Variants in VWA8 observed in about 807,000 individuals in gnomAD.
The protein encoded by VWA8 is von Willebrand factor A domain containing 8.
Under a neutral mutation model 241.5 loss-of-function variants are expected in VWA8, and 221 were observed. The observed-to-expected ratio is 0.91, with a 90% CI of 0.82 to 1.02. VWA8 has a LOEUF of 1.02. Among genes scored for constraint, VWA8 ranks in the 50% least tolerant of loss-of-function variants. The pLI is 0.00. For missense variants in VWA8, 2,322 were observed against 2,328.7 expected (o/e 1.00, Z 0.06); for synonymous variants, 852 against 827.1 (o/e 1.03, Z -0.52).
intron 12 of VWA8, among the ~76,000 whole-genome samples, chr13:41,845,237 A>G (rs1213678969): frequency 6.6e-6 from 1 of 152,098 alleles, no homozygotes; most frequent in East Asian, 1.9e-4. Flanking sequence ...CAATCAAAAC[A>G]ATGAGATACC....
At chr13:41,728,617 T>A (rs944173580) in intron 23 of VWA8, among the ~76,000 whole-genome samples, 2 of 151,420 alleles carry the variant, frequency 1.3e-5, no homozygotes, top group African/African-American at 2.4e-5. Flanking sequence ...GTCTGAATGA[T>A]CTTTTTTTTT....
chr13:41,756,385 A>AAG (rs1476373103), intron 21 of VWA8, among the ~76,000 whole-genome samples: 17 of 151,796 alleles, frequency 1.1e-4, no homozygotes, highest in Non-Finnish European at 2.4e-4. Context: ...TGACTGAGGC[A>AAG]GTTCAGCCTA....
At chr13:41,770,948 T>G (rs2045818330) in intron 20 of VWA8, among the ~76,000 whole-genome samples, 1 of 150,934 alleles carries the variant, frequency 6.6e-6, no homozygotes, top group African/African-American at 2.4e-5. Flanking sequence ...GAAGTGATTT[T>G]ATTAGACAAT....
intron 8 of VWA8, among the ~76,000 whole-genome samples, chr13:41,884,579 GAA>G (rs11441652): frequency 6.9e-6 from 1 of 145,232 alleles, no homozygotes. Flanking sequence ...AATGGTTCAG[GAA>G]AAAAAAAAAG....
At chr13:41,640,921 TTTTG>T (rs1237841261) in intron 37 of VWA8, among the ~76,000 whole-genome samples, 2 of 152,136 alleles carry the variant, frequency 1.3e-5, no homozygotes, top group Non-Finnish European at 2.9e-5. Flanking sequence ...CAGACCATTG[TTTTG>T]TTTGATTTTA....
chr13:41,946,426 G>C (rs117537765), intron 2 of VWA8, among the ~76,000 whole-genome samples: 1,959 of 152,162 alleles, frequency 0.013, 22 homozygotes, highest in Middle Eastern at 0.048. Context: ...TCTTCTACCT[G>C]ATTTTAAAAA....
chr13:41,917,807 C>G (rs1029252318), intron 2 of VWA8, among the ~76,000 whole-genome samples: 1 of 152,222 alleles, frequency 6.6e-6, no homozygotes, highest in African/African-American at 2.4e-5. Context: ...AGAGTACTTT[C>G]ACTTGACATT....
intron 37 of VWA8, among the ~76,000 whole-genome samples, chr13:41,654,685 G>A (rs889675691): frequency 6.6e-6 from 1 of 152,174 alleles, no homozygotes; most frequent in African/African-American, 2.4e-5. Context: ...CTGGGGCACT[G>A]GGGACTCCTG....
At chr13:41,791,299 G>A (rs1869451110) in intron 17 of VWA8, among the ~76,000 whole-genome samples, 1 of 151,814 alleles carries the variant, frequency 6.6e-6, no homozygotes. Context: ...AAAGGGTCAT[G>A]GAGTGATTAC....
At chr13:41,889,752 C>G (rs1350893612) in intron 5 of VWA8, among the ~76,000 whole-genome samples, 1 of 152,048 alleles carries the variant, frequency 6.6e-6, no homozygotes, top group Non-Finnish European at 1.5e-5. Context: ...GCACAGAATT[C>G]TACTATAAAG....
At chr13:41,738,994 G>A (rs561301117) in intron 21 of VWA8, among the ~76,000 whole-genome samples, 2 of 152,276 alleles carry the variant, frequency 1.3e-5, no homozygotes, top group Non-Finnish European at 2.9e-5. Flanking sequence ...CAACACAAAA[G>A]TGTGATAAAG....
At chr13:41,866,802 A>G (rs1456460307) in intron 10 of VWA8, among the ~76,000 whole-genome samples, 1 of 152,212 alleles carries the variant, frequency 6.6e-6, no homozygotes, top group African/African-American at 2.4e-5. Flanking sequence ...GATTTCTAAA[A>G]GTCAAGTCCA....
chr13:41,951,387 A>T (rs542989056), intron 1 of VWA8, among the ~76,000 whole-genome samples: 177 of 152,362 alleles, frequency 1.2e-3, no homozygotes, highest in African/African-American at 4.1e-3. Flanking sequence ...ACTGCACTCC[A>T]GCCTGGGCAA....
intron 4 of VWA8, among the ~76,000 whole-genome samples, chr13:41,893,565 C>T (rs1026692754): frequency 4.0e-5 from 6 of 151,552 alleles, no homozygotes; most frequent in African/African-American, 7.3e-5. Flanking sequence ...AGGACAAAGT[C>T]GTAGAAATAG....
chr13:41,907,550 G>A (rs111445805), intron 4 of VWA8, 36 bp downstream of exon 4: 10 of 1,569,232 alleles, frequency 6.4e-6, no homozygotes, highest in African/African-American at 5.4e-5. Context: ...TAGACCTGGA[G>A]TACACAGTCA....
chr13:41,638,203 A>C (rs1195849526), intron 37 of VWA8, among the ~76,000 whole-genome samples: 2 of 152,204 alleles, frequency 1.3e-5, no homozygotes, highest in Admixed American at 1.3e-4. Context: ...GTTTATATCT[A>C]CGTAAAGACG....
chr13:41,949,181 A>C (rs984253354), intron 2 of VWA8, among the ~76,000 whole-genome samples: 1 of 152,160 alleles, frequency 6.6e-6, no homozygotes, highest in Non-Finnish European at 1.5e-5. Flanking sequence ...TAAATACTTA[A>C]GATCTGTGCA....
rs1047983492 is a variant in VWA8, at chr13:41,678,273, G to T, written c.4328-2977C>A. Among the ~76,000 whole-genome samples the T allele has an allele frequency of 3.9e-5, 6 of 152,142 alleles. 1 individual carries two copies. The highest frequency in any genetic ancestry group is 3.9e-4 in the Admixed American group (6 of 15,268). On this transcript the variant is annotated intron_variant, in intron 35 of 44. Coordinates refer to ENST00000379310, the MANE Select transcript of VWA8 (RefSeq NM_015058.2). ...GGAGAGGAATGGGTAAGAAAATAGA[G>T]TTACTATAGTAATTTGACCACCCAG...
intron 40 of VWA8, among the ~76,000 whole-genome samples, chr13:41,596,588 A>G (rs1380225157): frequency 1.3e-5 from 2 of 152,120 alleles, no homozygotes; most frequent in Admixed American, 1.3e-4. Context: ...GTTTTGTATT[A>G]TACATAAATT....
Sources: allele counts gnomAD v4.1 joint callset (sites outside exome capture counted in the v4.1 genomes callset), GRCh38; gene constraint gnomAD v4.1.1; transcripts MANE v1.5; gene names NCBI Gene and HGNC (gene_info 2026-07-23, HGNC 2026-07-21).